Variants in AGAP1 observed in about 807,000 individuals in gnomAD.
AGAP1 encodes ArfGAP with GTPase domain, ankyrin repeat and PH domain 1.
A neutral mutation model predicts 105.3 loss-of-function variants in AGAP1; 29 were observed. The observed-to-expected ratio is 0.28, with a 90% CI of 0.21 to 0.38. AGAP1 has a LOEUF of 0.38. Among genes scored for constraint, AGAP1 ranks in the 10% least tolerant of loss-of-function variants. AGAP1 has a pLI of 1.00. For synonymous variants in AGAP1, 509 were observed against 485.9 expected (o/e 1.05, Z -0.63); for missense variants, 998 against 1,165.1 (o/e 0.86, Z 2.09).
At chr2:235,670,220 C>A in intron 1 of AGAP1, 1 of 571,086 alleles carries the variant, frequency 1.8e-6, no homozygotes, top group Non-Finnish European at 3.2e-6. Flanking sequence ...GAAGGAGCAG[C>A]TGGCCGCGCC....
In AGAP1 at chr2:235,737,682, G is replaced by T. The variant is rs6711586; in HGVS notation, c.311-3281G>T. Among the ~76,000 whole-genome samples, 908 of 152,270 alleles carry T rather than the reference G, an allele frequency of 6.0e-3. 15 individuals are homozygous for T. The highest frequency in any genetic ancestry group is 0.021 in the African/African-American group (865 of 41,558). On this transcript the variant is annotated intron_variant, in intron 3 of 17. Coordinates refer to ENST00000304032, the MANE Select transcript of AGAP1 (RefSeq NM_001037131.3). The surrounding 1 kb of genome is among the most constrained non-coding windows in gnomAD (Gnocchi z 4.5). ...GCTCACCTGACATGCAACAGGGAGG[G>T]TCATCTGCCAGGGCGTCACGGTCAT...
rs543126282 is a variant in AGAP1, at chr2:235,577,168, A to C, written c.163+82319A>C. ...TTCTACTAGCTACATTAGAAAAAATAAAAGAAACAGATGAAATTAATTTTA... is the reference window on the plus strand; with the variant it reads ...TTCTACTAGCTACATTAGAAAAAATCAAAGAAACAGATGAAATTAATTTTA... On this transcript the variant is annotated intron_variant, in intron 1 of 17. Coordinates refer to ENST00000304032, the MANE Select transcript of AGAP1 (RefSeq NM_001037131.3). The surrounding 1 kb of genome is among the most constrained non-coding windows in gnomAD (Gnocchi z 4.5). Among the ~76,000 whole-genome samples, 3 of 152,232 alleles carry C rather than the reference A, an allele frequency of 2.0e-5. No individual in the cohort carries two copies. The highest frequency in any genetic ancestry group is 7.2e-5 in the African/African-American group (3 of 41,460).
chr2:235,735,710 T>A (rs1040348788), intron 3 of AGAP1, among the ~76,000 whole-genome samples: 3 of 152,054 alleles, frequency 2.0e-5, no homozygotes, highest in African/African-American at 7.2e-5. Flanking sequence ...CTCTGCAGTG[T>A]GGGATTTAGG....
chr2:235,699,852 A>G (rs1200546845), intron 1 of AGAP1, among the ~76,000 whole-genome samples: 3 of 152,230 alleles, frequency 2.0e-5, no homozygotes, highest in Admixed American at 2.0e-4. Context: ...CAAGGAAGCT[A>G]TGAGGTGTGG....
At chr2:235,786,411 A>T (rs1296849742) in intron 6 of AGAP1, among the ~76,000 whole-genome samples, 1 of 152,236 alleles carries the variant, frequency 6.6e-6, no homozygotes, top group Admixed American at 6.5e-5. Context: ...TCTTCGGAAG[A>T]TCTTTAATTT....
chr2:236,120,495 C>G lies in AGAP1; in HGVS notation c.2370+48C>G, dbSNP rs766137667. 16 of 1,606,642 alleles carry G rather than the reference C, an allele frequency of 1.0e-5. No homozygotes were observed. In the Admixed American group the frequency reaches 1.2e-4, roughly 12 times the overall value. Reference sequence around the variant, plus strand: ...AGAGGACGGGGCCACAGGAGGCACTCTCTGCTTTGTTCTGCTTCCGTGGGC... The same window carrying G: ...AGAGGACGGGGCCACAGGAGGCACTGTCTGCTTTGTTCTGCTTCCGTGGGC... On this transcript the variant is annotated intron_variant, in intron 17 of 17. Transcript: ENST00000304032. The surrounding 1 kb of genome is among the most constrained non-coding windows in gnomAD (Gnocchi z 6.0).
intron 1 of AGAP1, among the ~76,000 whole-genome samples, chr2:235,536,279 CAGG>C (rs1943220861): frequency 3.4e-4 from 3 of 8,902 alleles, no homozygotes; most frequent in Admixed American, 3.4e-3. Context: ...ACACACACAG[CAGG>C]ACCCCGGGGT....
rs910667077 is a variant in AGAP1 at position 235,801,585 on chromosome 2, T to C, written c.957+2063T>C. Among the ~76,000 whole-genome samples the C allele has an allele frequency of 1.3e-5, 2 of 151,858 alleles. No individual in the cohort carries two copies. Among genetic ancestry groups the C allele is most frequent in the African/African-American group, 2.4e-5 (1 of 41,350 alleles). On this transcript the variant is annotated intron_variant, in intron 8 of 17. Transcript: ENST00000304032. This position sits in a 1 kb window ranked among gnomAD's most constrained non-coding sequence, Gnocchi z 6.0. ...TCTAACACCTGGAGCAGCCCCTGTC[T>C]ACCCCCAGGCTGGGGGGCTTTGGGT... is the stretch of plus-strand genomic sequence containing the variant.
intron 1 of AGAP1, among the ~76,000 whole-genome samples, chr2:235,641,322 TCCTCCCTCCCTCC>T (rs1947185305): frequency 1.3e-5 from 2 of 149,784 alleles, no homozygotes; most frequent in Admixed American, 6.7e-5. Context: ...TTTCTCTTTC[TCCTCCCTCCCTCC>T]CTCTCTTCCT....
chr2:235,672,494 T>C (rs1016395260), intron 1 of AGAP1, among the ~76,000 whole-genome samples: 2 of 152,242 alleles, frequency 1.3e-5, no homozygotes, highest in Non-Finnish European at 2.9e-5. Context: ...GAAGGCACTG[T>C]ATTTAACTCC....
At chr2:235,781,416 T>C in intron 6 of AGAP1, among the ~76,000 whole-genome samples, 1 of 152,236 alleles carries the variant, frequency 6.6e-6, no homozygotes, top group South Asian at 2.1e-4. Context: ...TTGTAACTGT[T>C]ATCACATGAT....
chr2:235,873,190 A>AC (rs1263492585), intron 9 of AGAP1, among the ~76,000 whole-genome samples: 3 of 152,218 alleles, frequency 2.0e-5, no homozygotes, highest in Admixed American at 2.0e-4. Flanking sequence ...GTCGCTCTAG[A>AC]CTGAAATTCT....
In AGAP1 at chr2:235,793,365, C is replaced by G. The variant is rs1382095666; in HGVS notation, c.674-4394C>G. Among the ~76,000 whole-genome samples the G allele has an allele frequency of 6.6e-6, 1 of 152,156 alleles. No individual in the cohort carries two copies. The highest frequency in any genetic ancestry group is 2.4e-5 in the African/African-American group (1 of 41,456). On this transcript the variant is annotated intron_variant, in intron 6 of 17. Transcript: ENST00000304032. The surrounding 1 kb of genome is among the most constrained non-coding windows in gnomAD (Gnocchi z 5.3). ...TCAGCATTTTGTTTAGTTACCCAATCCATTTCATTTAGTCACCCAAGTAGA... is the reference window on the plus strand; with the variant it reads ...TCAGCATTTTGTTTAGTTACCCAATGCATTTCATTTAGTCACCCAAGTAGA...
At chr2:235,826,660 G>A (rs1466361254) in intron 9 of AGAP1, among the ~76,000 whole-genome samples, 1 of 152,132 alleles carries the variant, frequency 6.6e-6, no homozygotes, top group African/African-American at 2.4e-5. Context: ...ATGTTGGCCA[G>A]GGTGGGCTCG....
chr2:236,048,981 C>T (rs527266879), intron 15 of AGAP1, 78 bp from the exon 16 acceptor site: 15 of 1,352,792 alleles, frequency 1.1e-5, no homozygotes, highest in South Asian at 5.2e-5. Context: ...ACTGATTCGT[C>T]GCCTTGTGTT....
intron 1 of AGAP1, among the ~76,000 whole-genome samples, chr2:235,573,089 T>TTTCTTCTTTC (rs1559259171): frequency 2.5e-5 from 3 of 118,908 alleles, no homozygotes; most frequent in African/African-American, 1.4e-4. Context: ...TTCTTTCTTC[T>TTTCTTCTTTC]TTCTTCTTCT....
intron 12 of AGAP1, among the ~76,000 whole-genome samples, chr2:235,935,417 AT>A (rs1365747032): frequency 6.6e-6 from 1 of 152,138 alleles, no homozygotes; most frequent in South Asian, 2.1e-4. Context: ...ATTTTTTTAC[AT>A]TTTTTCCCAC....
rs1382207707 is a variant in AGAP1, at chr2:235,566,634, C to G, written c.163+71785C>G. The G allele has an allele frequency of 1.0e-6, 1 of 980,700 alleles. No homozygotes were observed. Among genetic ancestry groups the G allele is most frequent in the Non-Finnish European group, 1.2e-6 (1 of 825,784 alleles). The allele number at this position is 980,700 out of a possible 1,614,324, so 60.7% of individuals were successfully genotyped here. On this transcript the variant is annotated intron_variant, in intron 1 of 17. Transcript: ENST00000304032. The surrounding 1 kb of genome is among the most constrained non-coding windows in gnomAD (Gnocchi z 5.2). ...TGCCTCTCTTATTTATGTTGTATGCCTGACACCTTCCTCATGCCGCAGGAC... is the reference window on the plus strand; with the variant it reads ...TGCCTCTCTTATTTATGTTGTATGCGTGACACCTTCCTCATGCCGCAGGAC...
chr2:235,813,615 C>G (rs574310494), intron 9 of AGAP1, among the ~76,000 whole-genome samples: 4 of 152,232 alleles, frequency 2.6e-5, no homozygotes, highest in Non-Finnish European at 5.9e-5. Flanking sequence ...GCTCCGATCC[C>G]ACAGCATGGT....
Sources: gnomAD v4.1 joint callset for allele counts (sites outside exome capture counted in the v4.1 genomes callset) on GRCh38, gnomAD v4.1.1 for gene constraint, Gnocchi (gnomAD v3.1) non-coding constraint, MANE v1.5 for transcripts, NCBI Gene and HGNC (gene_info 2026-07-23, HGNC 2026-07-21) for gene names.